Variants in COL6A2 observed in about 807,000 individuals in gnomAD.
COL6A2 encodes the protein collagen alpha-2(VI) chain.
A neutral mutation model predicts 124.9 loss-of-function variants in COL6A2; 90 were observed. That is an observed-to-expected ratio of 0.72 (90% CI 0.61 to 0.86). The LOEUF (loss-of-function observed/expected upper bound fraction) is 0.86, where lower values mean the gene tolerates loss of function less well. COL6A2 is among the 40% of genes least tolerant of loss of function. The pLI is 0.00. For synonymous variants in COL6A2, 793 were observed against 618.2 expected, an observed-to-expected ratio of 1.28 and a Z score of -4.19; for missense variants, 1,607 against 1,502.5, an observed-to-expected ratio of 1.07 and a Z score of -1.15.
At chr21:46,129,337 C>G in intron 27 of COL6A2, 1 of 1,612,958 alleles carries the variant, frequency 6.2e-7, no homozygotes, top group Non-Finnish European at 8.5e-7. Flanking sequence ...GCCGCCTACT[C>G]CCAGCTGGTG....
chr21:46,123,004 G>T, intron 21 of COL6A2, 67 bp downstream of exon 21: 1 of 1,464,858 alleles, frequency 6.8e-7, no homozygotes, highest in Non-Finnish European at 9.6e-7. Context: ...GAGGCTGAGC[G>T]TGTGCATCTA....
chr21:46,116,201 C>A lies in COL6A2; in HGVS notation c.900+148C>A. 1 of 1,154,344 alleles carries A rather than the reference C, an allele frequency of 8.7e-7. No homozygotes were observed. Among genetic ancestry groups the A allele is most frequent in the Non-Finnish European group, 1.3e-6 (1 of 789,674 alleles). 71.5% of individuals were successfully genotyped at this position (1,154,344 alleles called of 1,614,324 possible). ...AGCACCTCGATAACTTGATGGCCGT[C>A]CCAAAACCCAGCCTCCAGCCCGACC... On this transcript the variant is annotated intron_variant, in intron 7 of 27. Transcript: ENST00000300527. The surrounding 1 kb of genome is among the most constrained non-coding windows in gnomAD (Gnocchi z 4.6).
At position 46,116,245 on chromosome 21, in the gene COL6A2, G is replaced by T. The variant is rs543667191; in HGVS notation, c.901-132G>T. 2 of 1,223,080 alleles carry T rather than the reference G, an allele frequency of 1.6e-6. No individual in the cohort carries two copies. Among genetic ancestry groups the T allele is most frequent in the African/African-American group, 1.5e-5 (1 of 66,682 alleles). The allele number at this position is 1,223,080 out of a possible 1,614,324, so 75.8% of individuals were successfully genotyped here. A position where few individuals can be genotyped will look rare whatever the true frequency, so the allele number is the denominator to read the frequency against. On this transcript the variant is annotated intron_variant, in intron 7 of 27. Coordinates refer to ENST00000300527, the MANE Select transcript of COL6A2 (RefSeq NM_001849.4). The surrounding 1 kb of genome is among the most constrained non-coding windows in gnomAD (Gnocchi z 4.6). ...CCCGACCCAGGGCTCAGCCTCCTCCGCAGACTGTTTGTCGAGAACACTAGA... is the reference window on the plus strand; with the variant it reads ...CCCGACCCAGGGCTCAGCCTCCTCCTCAGACTGTTTGTCGAGAACACTAGA...
In COL6A2 at chr21:46,124,935, G is replaced by A; in HGVS notation, c.1770+15G>A. 1 of 1,612,844 alleles carries A rather than the reference G, an allele frequency of 6.2e-7. No homozygotes were observed. The highest frequency in any genetic ancestry group is 8.5e-7 in the Non-Finnish European group (1 of 1,179,960). On this transcript the variant is annotated intron_variant, in intron 23 of 27. Coordinates refer to ENST00000300527, the MANE Select transcript of COL6A2 (RefSeq NM_001849.4). ...CCGGTCTCACGGTAGGTGTCACATG[G>A]GGCAGAACCAGTGTCCTTCTCCTGC...
Position 46,132,670 on chromosome 21 carries a change from C to T in COL6A2, c.*118C>T. The T allele has an allele frequency of 4.7e-6, 5 of 1,059,782 alleles. No homozygotes were observed. Among genetic ancestry groups the T allele is most frequent in the South Asian group, 1.4e-5 (1 of 72,588 alleles). 65.6% of individuals were successfully genotyped at this position (1,059,782 alleles called of 1,614,324 possible). ...TCACTCGGACGACGCCCTGGGCCTG[C>T]ACCTCTCCAGCTCCTCCCACGGGGT... is the stretch of plus-strand genomic sequence containing the variant. On this transcript the variant is annotated 3_prime_UTR_variant, in exon 28 of 28. Transcript: ENST00000300527.
chr21:46,113,386 G>GT (rs964565426), intron 4 of COL6A2, among the ~76,000 whole-genome samples: 32 of 151,876 alleles, frequency 2.1e-4, no homozygotes, highest in African/African-American at 7.3e-5. Context: ...TTTTATATTT[G>GT]TTTTTTTAGA....
At chr21:46,104,171 G>GA (rs35738856) in intron 1 of COL6A2, among the ~76,000 whole-genome samples, 15 of 150,476 alleles carry the variant, frequency 1.0e-4, no homozygotes, top group South Asian at 2.1e-4. Context: ...TATTTCAAAG[G>GA]AAAAAAAAAC....
rs554016354 is a variant in COL6A2 at position 46,112,385 on chromosome 21, G to A, written c.522G>A (p.Lys174=). 1.7e-5 allele frequency: 28 copies of A among 1,607,906 alleles called. No individual in the cohort carries two copies. Among genetic ancestry groups the A allele is most frequent in the African/African-American group, 5.3e-5 (4 of 74,972 alleles). The change falls in exon 3 of 28, where the codon AAG becomes AAA. Residue 174 remains lysine, a synonymous_variant. Transcript: ENST00000300527. ...HVTGSPCGGI[K]LQAERAREEG... is the part of the protein sequence containing the mutation. The stretch of plus-strand genomic sequence containing the variant: ...CCGGCAGCCCCTGCGGGGGCATCAA[G>A]CTGCAGGCCGAGCGGGCCCGCGAGG...
rs757806161 is a variant in COL6A2, at chr21:46,126,155, A to C, written c.2340A>C (p.Pro780=). 1.2e-6 allele frequency: 2 copies of C among 1,610,474 alleles called. No individual in the cohort carries two copies. Among genetic ancestry groups the C allele is most frequent in the Non-Finnish European group, 1.7e-6 (2 of 1,179,984 alleles). ...TCTACTCCATCGCCTGCGACAAGCC[A>C]CAGCAGGTGCGCAACATGACGCTGT... The part of the protein sequence containing the change: ...ENLYSIACDK[P]QQVRNMTLFS... Residue 780 remains proline (P), a synonymous_variant, in exon 26 of 28, where the codon CCA becomes CCC. Coordinates refer to ENST00000300527, the MANE Select transcript of COL6A2 (RefSeq NM_001849.4).
intron 27 of COL6A2, among the ~76,000 whole-genome samples, chr21:46,127,076 C>G (rs1198409239): frequency 2.0e-5 from 3 of 151,958 alleles, no homozygotes; most frequent in Admixed American, 6.5e-5. Flanking sequence ...GAAGCTGGAG[C>G]TGGGGGTGCC....
chr21:46,113,445 C>T (rs913715394), intron 4 of COL6A2, among the ~76,000 whole-genome samples: 2 of 151,840 alleles, frequency 1.3e-5, no homozygotes, highest in Non-Finnish European at 2.9e-5. Flanking sequence ...GGTACGATCA[C>T]GGCTCACTGC....
chr21:46,127,286 C>G (rs2078686262), intron 27 of COL6A2, among the ~76,000 whole-genome samples: 1 of 152,142 alleles, frequency 6.6e-6, no homozygotes, highest in African/African-American at 2.4e-5. Context: ...ACCTCAGGGT[C>G]TGCGGTACGA....
At chr21:46,125,153 T>C in intron 23 of COL6A2, 113 bp from the exon 24 acceptor site, 2 of 1,138,734 alleles carry the variant, frequency 1.8e-6, no homozygotes, top group South Asian at 1.3e-5. Context: ...CCTCCCCGCA[T>C]GGCTGCCTCC....
chr21:46,121,036 C>T (rs1315950903), intron 16 of COL6A2, 25 bp from the exon 17 acceptor site: 4 of 1,611,634 alleles, frequency 2.5e-6, no homozygotes, highest in East Asian at 4.5e-5. Context: ...TCAAGAGAAC[C>T]CCAAATTCCT....
In COL6A2 at chr21:46,122,923, G is replaced by C; in HGVS notation, c.1657G>C (p.Glu553Gln). The C allele has an allele frequency of 6.2e-7, 1 of 1,613,198 alleles. No homozygotes were observed. Among genetic ancestry groups the C allele is most frequent in the Non-Finnish European group, 8.5e-7 (1 of 1,179,882 alleles). Reference sequence around the variant, plus strand: ...GAAAGGAGAACCTGGGAGGAAAGGAGAGAAAGGAGAGCCTGTGAGTGTCAC... The same window carrying C: ...GAAAGGAGAACCTGGGAGGAAAGGACAGAAAGGAGAGCCTGTGAGTGTCAC... ...GLKGEPGRKG[E>Q]KGEPADPGPP... The change falls in exon 21 of 28, where the codon GAG (glutamate) becomes CAG (glutamine). Residue 553 changes from glutamate to glutamine, a missense_variant. Transcript: ENST00000300527.
At chr21:46,119,158 G>A in intron 14 of COL6A2, 39 bp downstream of exon 14, 2 of 1,496,938 alleles carry the variant, frequency 1.3e-6, no homozygotes, top group South Asian at 2.3e-5. Context: ...CCCCGCTCTG[G>A]GCATCCTCCT....
At position 46,132,162 on chromosome 21, in the gene COL6A2, G is replaced by A. The variant is rs1293078905; in HGVS notation, c.2670G>A (p.Val890=). Residue 890 remains valine, a synonymous_variant, in exon 28 of 28, where the codon GTG becomes GTA. Transcript: ENST00000300527. ...TTGGTGGCCCCGGCGAGCAGCAGGT[G>A]GCCTTCCCGCTGAGCCACAACCTCA... The part of the protein sequence containing the change: ...LQFGGPGEQQ[V]AFPLSHNLTA... 19 of 1,569,590 alleles carry A rather than the reference G, an allele frequency of 1.2e-5. No homozygotes were observed. The highest frequency in any genetic ancestry group is 2.4e-5 in the East Asian group (1 of 41,814).
intron 1 of COL6A2, 86 bp from the exon 2 acceptor site, chr21:46,111,364 G>A: frequency 1.4e-6 from 1 of 732,134 alleles, no homozygotes; most frequent in Non-Finnish European, 2.4e-6. Flanking sequence ...CAATCCCGCT[G>A]ACCTGCTGTG....
At chr21:46,098,834 G>A (rs2078255527) in intron 1 of COL6A2, 1 of 152,226 alleles carries the variant, frequency 6.6e-6, no homozygotes, top group East Asian at 1.9e-4. Flanking sequence ...GGCTGACAGC[G>A]ACCCGCAGCC....
Sources: allele counts gnomAD v4.1 joint callset (sites outside exome capture counted in the v4.1 genomes callset), GRCh38; gene constraint gnomAD v4.1.1; non-coding constraint Gnocchi (gnomAD v3.1); transcripts MANE v1.5; gene names NCBI Gene and HGNC (gene_info 2026-07-23, HGNC 2026-07-21).